The following DCAF6 variants were observed in gnomAD, a reference collection of about 807,000 sequenced individuals.
DCAF6 encodes the protein DDB1 and CUL4 associated factor 6.
In DCAF6, 54 loss-of-function variants were observed where a neutral mutation model predicts 125.1. That is an observed-to-expected ratio of 0.43 (90% CI 0.35 to 0.54). The LOEUF (loss-of-function observed/expected upper bound fraction) is 0.54. Among genes scored for constraint, DCAF6 ranks in the 20% least tolerant of loss-of-function variants. The pLI, the probability that DCAF6 is intolerant of heterozygous loss-of-function variation, is 0.01. For missense variants in DCAF6, 934 were observed against 1,161.7 expected, an observed-to-expected ratio of 0.80 and a Z score of 2.85; for synonymous variants, 371 against 390.4, an observed-to-expected ratio of 0.95 and a Z score of 0.58.
the DCAF6 span, chr1:167,902,099 G>A: frequency 2.5e-6 from 4 of 1,570,538 alleles, no homozygotes; most frequent in Middle Eastern, 1.7e-4. Context: ...ATTCCTTAAA[G>A]GTAGTAAAAA....
the DCAF6 span, among the ~76,000 whole-genome samples, chr1:167,918,651 T>C: frequency 6.6e-6 from 1 of 150,390 alleles, no homozygotes; most frequent in Non-Finnish European, 1.5e-5. Flanking sequence ...TGGAGTGTAG[T>C]GGTGTGATCT....
chr1:167,969,775 A>G (rs1677012513), intron 3 of DCAF6, among the ~76,000 whole-genome samples: 1 of 152,028 alleles, frequency 6.6e-6, no homozygotes, highest in Non-Finnish European at 1.5e-5. Context: ...TTTTCATTTT[A>G]TTTTTTATTA....
chr1:167,936,722 G>A lies in DCAF6; in HGVS notation c.-190G>A. On this transcript the variant is annotated 5_prime_UTR_variant, in exon 1 of 22. Transcript: ENST00000367840. ...GTCTAAGAAGGAGAGTATGAGGCGAGCTCCGGCCCGGGTGCGGCCGGGCTT... is the reference window on the plus strand; with the variant it reads ...GTCTAAGAAGGAGAGTATGAGGCGAACTCCGGCCCGGGTGCGGCCGGGCTT... 1.7e-6 allele frequency: 1 copy of A among 593,016 alleles called. No individual in the cohort carries two copies. The highest frequency in any genetic ancestry group is 3.0e-6 in the Non-Finnish European group (1 of 332,174). The allele number at this position is 593,016 out of a possible 1,614,324, so 36.7% of individuals were successfully genotyped here.
At chr1:167,962,046 T>C (rs1272004966) in intron 2 of DCAF6, among the ~76,000 whole-genome samples, 1 of 152,186 alleles carries the variant, frequency 6.6e-6, no homozygotes, top group Non-Finnish European at 1.5e-5. Context: ...TCCATTGTGG[T>C]CTAAGAGTAG....
At chr1:168,063,532 C>T (rs569735298) in intron 17 of DCAF6, 89 bp from the exon 18 acceptor site, 2 of 1,167,948 alleles carry the variant, frequency 1.7e-6, no homozygotes, top group South Asian at 2.0e-5. Context: ...TTATGTATTT[C>T]CTAGACTTAC....
At chr1:167,974,528 G>A (rs755797989) in intron 3 of DCAF6, among the ~76,000 whole-genome samples, 4 of 152,026 alleles carry the variant, frequency 2.6e-5, no homozygotes, top group Non-Finnish European at 4.4e-5. Flanking sequence ...AAAGTAGTTC[G>A]TTGTTATTTA....
intron 4 of DCAF6, among the ~76,000 whole-genome samples, chr1:167,981,578 A>T (rs1679137591): frequency 6.6e-6 from 1 of 152,170 alleles, no homozygotes; most frequent in South Asian, 2.1e-4. Flanking sequence ...TGCCATCTTT[A>T]TGTCCACAAG....
At chr1:167,998,422 TG>T (rs996152107) in intron 7 of DCAF6, among the ~76,000 whole-genome samples, 18 of 152,130 alleles carry the variant, frequency 1.2e-4, no homozygotes, top group African/African-American at 4.3e-4. Flanking sequence ...GACAGTTTCT[TG>T]AAATAAGACA....
intron 3 of DCAF6, among the ~76,000 whole-genome samples, chr1:167,970,791 A>T (rs1194546185): frequency 6.6e-6 from 1 of 152,148 alleles, no homozygotes; most frequent in Non-Finnish European, 1.5e-5. Flanking sequence ...ACATTAATTT[A>T]TTGAAAATAA....
chr1:167,987,448 T>G (rs1328233448), intron 4 of DCAF6, 47 bp from the exon 5 acceptor site: 1 of 893,546 alleles, frequency 1.1e-6, no homozygotes, highest in Non-Finnish European at 1.8e-6. Flanking sequence ...CAGAGCCGTC[T>G]GTTTAAATGT....
chr1:167,911,170 A>AACACTGCCCAGTGTTCAAACT, the DCAF6 span, among the ~76,000 whole-genome samples: 4 of 152,248 alleles, frequency 2.6e-5, no homozygotes, highest in Non-Finnish European at 4.4e-5. Context: ...GGGCAGTTTT[A>AACACTGCCCAGTGTTCAAACT]GGAAGTGTTG....
intron 4 of DCAF6, among the ~76,000 whole-genome samples, chr1:167,977,748 G>T (rs1053963785): frequency 2.4e-4 from 37 of 151,986 alleles, no homozygotes; most frequent in African/African-American, 8.7e-4. Context: ...CTGCTTATTA[G>T]ACCTTATTCC....
At chr1:167,922,597 G>GA in the DCAF6 span, among the ~76,000 whole-genome samples, 48 of 147,510 alleles carry the variant, frequency 3.3e-4, no homozygotes, top group East Asian at 4.1e-3. Context: ...ATGTAGATAT[G>GA]AAAAAAAAAA....
rs756955020 is a variant in DCAF6, at chr1:167,966,614, T to C, written c.160-15T>C. The stretch of plus-strand genomic sequence containing the variant: ...TGTCCAATTTGCTTATATTTCTTTT[T>C]TGCTTTCTCTTTAGGTTAATACAAT... On this transcript the variant is annotated splice_polypyrimidine_tract_variant and intron_variant, in intron 2 of 21. Coordinates refer to ENST00000367840, the MANE Select transcript of DCAF6 (RefSeq NM_001198956.2). 2 of 1,519,772 alleles carry C rather than the reference T, an allele frequency of 1.3e-6. No homozygotes were observed. Among genetic ancestry groups the C allele is most frequent in the South Asian group, 1.2e-5 (1 of 86,116 alleles). The allele number at this position is 1,519,772 out of a possible 1,614,324, so 94.1% of individuals were successfully genotyped here. A position where few individuals can be genotyped will look rare whatever the true frequency, so the allele number is the denominator to read the frequency against.
the DCAF6 span, among the ~76,000 whole-genome samples, chr1:167,881,808 C>T: frequency 1.3e-5 from 2 of 152,162 alleles, no homozygotes; most frequent in African/African-American, 4.8e-5. Context: ...CTGCAAGACA[C>T]GAAAGACTGT....
chr1:168,044,905 T>A lies in DCAF6; in HGVS notation c.1936T>A (p.Ser646Thr), dbSNP rs1457555117. Reference sequence around the variant, plus strand: ...ACAACTTTATTTTCTGACAGCACAATCAGATAAGTTCACAGCCAAGCCATT... The same window carrying A: ...ACAACTTTATTTTCTGACAGCACAAACAGATAAGTTCACAGCCAAGCCATT... ...PVENHINITQ[S>T]DKFTAKPLDS... The change falls in exon 16 of 22, where the codon TCA (serine) becomes ACA (threonine). Residue 646 changes from serine to threonine, a missense_variant. Ser to Thr is a moderately conservative substitution (Grantham distance 58, BLOSUM62 1). This residue lies in a region of DCAF6 where 559 missense variants were observed against 635.5 expected (regional missense o/e 0.88). Transcript: ENST00000367840. 6.2e-7 allele frequency: 1 copy of A among 1,612,730 alleles called. No individual in the cohort carries two copies. The highest frequency in any genetic ancestry group is 1.1e-5 in the South Asian group (1 of 90,884).
At chr1:167,904,646 T>G in the DCAF6 span, 1 of 560,616 alleles carries the variant, frequency 1.8e-6, no homozygotes, top group Non-Finnish European at 3.2e-6. Flanking sequence ...GATGTAAACA[T>G]CATCTAGGGA....
chr1:167,926,161 C>T, the DCAF6 span, among the ~76,000 whole-genome samples: 210 of 152,298 alleles, frequency 1.4e-3, no homozygotes, highest in African/African-American at 5.0e-3. Flanking sequence ...ACCATTTTTA[C>T]ATTTTCTTGT....
At chr1:167,903,594 C>A in the DCAF6 span, among the ~76,000 whole-genome samples, 2 of 152,008 alleles carry the variant, frequency 1.3e-5, no homozygotes, top group East Asian at 3.9e-4. Flanking sequence ...AATATAAATA[C>A]TTGGATATAT....
Sources: allele counts gnomAD v4.1 joint callset (sites outside exome capture counted in the v4.1 genomes callset), GRCh38; gene constraint gnomAD v4.1.1; regional missense constraint gnomAD v4.1.1; transcripts MANE v1.5; gene names NCBI Gene and HGNC (gene_info 2026-07-23, HGNC 2026-07-21).